The following LNPEP variants were observed in gnomAD, a reference collection of about 807,000 sequenced individuals.
The protein encoded by LNPEP is leucyl and cystinyl aminopeptidase.
Under a neutral mutation model 120.6 loss-of-function variants are expected in LNPEP, and 64 were observed. That is an observed-to-expected ratio of 0.53 (90% CI 0.43 to 0.65). LNPEP has a LOEUF of 0.65. Ranked by LOEUF, LNPEP falls within the 30% of genes least tolerant of loss-of-function variation. The probability of loss-of-function intolerance (pLI) is 0.00; values close to 1 mark genes in which losing one functional copy is unlikely to be tolerated. For synonymous variants in LNPEP, 435 were observed against 425.4 expected (o/e 1.02, Z -0.28); for missense variants, 1,057 against 1,200.0 (o/e 0.88, Z 1.76).
At position 96,985,239 on chromosome 5, in the gene LNPEP, T is replaced by C. The variant is rs552849762; in HGVS notation, c.999+21T>C. 3.8e-6 allele frequency: 6 copies of C among 1,580,042 alleles called. No individual in the cohort carries two copies. The African/African-American group carries it at 6.8e-5, about 18-fold the overall frequency. ...CTAAGGTACTGTTCTGTTCCTTGAATGTAAAAATCTTTGAATGGGTCTCTT... is the reference window on the plus strand; with the variant it reads ...CTAAGGTACTGTTCTGTTCCTTGAACGTAAAAATCTTTGAATGGGTCTCTT... On this transcript the variant is annotated intron_variant, in intron 3 of 17. Transcript: ENST00000231368.
In LNPEP at chr5:96,973,874, T is replaced by C. The variant is rs76985535; in HGVS notation, c.20-5264T>C. 3.8e-3 allele frequency among the ~76,000 whole-genome samples: 584 copies of C among 152,234 alleles called. 5 individuals are homozygous for C. The highest frequency in any genetic ancestry group is 0.014 in the African/African-American group (567 of 41,546). On this transcript the variant is annotated intron_variant, in intron 1 of 17. Transcript: ENST00000231368. ...AATGTTGTTTGTCATGGCTTCGCTT[T>C]TTGTCCTGTCTTCTAAATTGTATCC...
In LNPEP at chr5:97,030,040, G is replaced by T. The variant is rs1451555498; in HGVS notation, c.*1507G>T. On this transcript the variant is annotated 3_prime_UTR_variant, in exon 18 of 18. Transcript: ENST00000231368. ...TTAAAACACTCCACAGAGTCAGACAGTGGGAAAGGTCACCCTTTTTTTATT... is the reference window on the plus strand; with the variant it reads ...TTAAAACACTCCACAGAGTCAGACATTGGGAAAGGTCACCCTTTTTTTATT... 1 of 152,096 alleles carries T rather than the reference G, an allele frequency of 6.6e-6. No individual in the cohort carries two copies. Among genetic ancestry groups the T allele is most frequent in the Non-Finnish European group, 1.5e-5 (1 of 67,988 alleles). The allele number at this position is 152,096 out of a possible 1,614,324, so 9.4% of individuals were successfully genotyped here.
chr5:97,025,461 T>C (rs1054431245), intron 15 of LNPEP, among the ~76,000 whole-genome samples: 6 of 152,196 alleles, frequency 3.9e-5, no homozygotes, highest in African/African-American at 1.4e-4. Context: ...CTTAAGCAAA[T>C]AGAGAAAAAT....
intron 1 of LNPEP, chr5:96,937,651 A>G (rs914116844): frequency 6.6e-6 from 1 of 152,106 alleles, no homozygotes; most frequent in African/African-American, 2.4e-5. Flanking sequence ...GTGAAATTTC[A>G]TCTAAATTAA....
chr5:96,946,142 T>A (rs1194772084), intron 1 of LNPEP, among the ~76,000 whole-genome samples: 1 of 152,202 alleles, frequency 6.6e-6, no homozygotes, highest in Non-Finnish European at 1.5e-5. Flanking sequence ...TATTAGTAGT[T>A]TCTCTGTTTT....
rs114408522 is a variant in LNPEP, at chr5:96,981,382, G to A, written c.860+1404G>A. Among the ~76,000 whole-genome samples the A allele has an allele frequency of 4.0e-3, 610 of 152,142 alleles. 6 individuals are homozygous for A. The highest frequency in any genetic ancestry group is 0.014 in the African/African-American group (590 of 41,506). On this transcript the variant is annotated intron_variant, in intron 2 of 17. Coordinates refer to ENST00000231368, the MANE Select transcript of LNPEP (RefSeq NM_005575.3). The stretch of plus-strand genomic sequence containing the variant: ...TTTGTTTTGAATAGCAGAGTTTCAC[G>A]TACTAATTTATTTTAATAGGTTGTA...
At chr5:96,946,844 A>G (rs1460770853) in intron 1 of LNPEP, among the ~76,000 whole-genome samples, 1 of 152,212 alleles carries the variant, frequency 6.6e-6, no homozygotes, top group African/African-American at 2.4e-5. Context: ...AGATCTGGCA[A>G]ATAAATGTAT....
chr5:97,025,731 C>A (rs1791321998), intron 15 of LNPEP, among the ~76,000 whole-genome samples: 1 of 152,110 alleles, frequency 6.6e-6, no homozygotes, highest in Non-Finnish European at 1.5e-5. Context: ...AGGTTTATAC[C>A]ATACCCAGTG....
intron 1 of LNPEP, among the ~76,000 whole-genome samples, chr5:96,939,511 G>T (rs1789002807): frequency 6.6e-6 from 1 of 152,048 alleles, no homozygotes; most frequent in Admixed American, 6.5e-5. Context: ...CCAGCTGAAA[G>T]TATATATACT....
chr5:96,957,681 G>T (rs1789502774), intron 1 of LNPEP, among the ~76,000 whole-genome samples: 1 of 152,136 alleles, frequency 6.6e-6, no homozygotes. Flanking sequence ...AAAACAGAAA[G>T]AAACGGATTC....
At chr5:97,001,978 A>G (rs560365483) in intron 8 of LNPEP, among the ~76,000 whole-genome samples, 15 of 152,198 alleles carry the variant, frequency 9.9e-5, no homozygotes, top group South Asian at 6.2e-4. Flanking sequence ...CGTCTCTACT[A>G]AAAATACAAA....
At position 96,998,255 on chromosome 5, in the gene LNPEP, G is replaced by T; in HGVS notation, c.1653+110G>T. ...ATTTTAAAGATTAAATGTTTTTCAG[G>T]TATTAATGGTAAACTATAAAATGTT... On this transcript the variant is annotated intron_variant, in intron 8 of 17. Coordinates refer to ENST00000231368, the MANE Select transcript of LNPEP (RefSeq NM_005575.3). 1.2e-5 allele frequency: 10 copies of T among 847,698 alleles called. No homozygotes were observed. The South Asian group carries it at 1.5e-4, about 13-fold the overall frequency. The allele number at this position is 847,698 out of a possible 1,614,324, so 52.5% of individuals were successfully genotyped here. A position where few individuals can be genotyped will look rare whatever the true frequency, so the allele number is the denominator to read the frequency against.
intron 1 of LNPEP, among the ~76,000 whole-genome samples, chr5:96,966,711 T>C (rs529685415): frequency 1.3e-5 from 2 of 152,170 alleles, no homozygotes; most frequent in South Asian, 2.1e-4. Context: ...GTCACAACAC[T>C]TTTCAAACTA....
chr5:96,967,325 G>A (rs779767939), intron 1 of LNPEP, among the ~76,000 whole-genome samples: 26 of 150,316 alleles, frequency 1.7e-4, no homozygotes, highest in Non-Finnish European at 3.3e-4. Flanking sequence ...TTTTTTTTTT[G>A]GTAGAAGCTG....
intron 1 of LNPEP, among the ~76,000 whole-genome samples, chr5:96,969,035 G>C (rs1789796798): frequency 6.6e-6 from 1 of 152,000 alleles, no homozygotes; most frequent in African/African-American, 2.4e-5. Context: ...CTGCAGAATG[G>C]TTATATTTAT....
intron 4 of LNPEP, among the ~76,000 whole-genome samples, 181 bp downstream of exon 4, chr5:96,986,851 G>T (rs1582005938): frequency 6.6e-6 from 1 of 152,188 alleles, no homozygotes; most frequent in Non-Finnish European, 1.5e-5. Context: ...TAGTTTAATA[G>T]CTGAAAGTCA....
At chr5:96,950,277 G>T (rs1204899164) in intron 1 of LNPEP, among the ~76,000 whole-genome samples, 3 of 152,188 alleles carry the variant, frequency 2.0e-5, no homozygotes, top group African/African-American at 7.2e-5. Flanking sequence ...CTAGAGAGCT[G>T]CTGTGCGTTT....
At chr5:97,027,339 C>T (rs946602844) in intron 16 of LNPEP, among the ~76,000 whole-genome samples, 1 of 150,184 alleles carries the variant, frequency 6.7e-6, no homozygotes, top group African/African-American at 2.5e-5. Flanking sequence ...GGCAACAGGG[C>T]GAGACTCCGT....
Position 97,006,461 on chromosome 5 carries a change from G to A in LNPEP, c.1981G>A (p.Glu661Lys). The change falls in exon 11 of 18, where the codon GAA (glutamate) becomes AAA (lysine). Residue 661 changes from glutamate to lysine, a missense_variant. Transcript: ENST00000231368. Reference protein sequence around the residue: ...LWHIPLSYVTEGRNYSKYQSV... With the variant: ...LWHIPLSYVTKGRNYSKYQSV... ...GCATATTCCACTATCCTATGTCACT[G>A]AAGGAAGAAATTATTCAAAATATCA... The A allele has an allele frequency of 6.3e-7, 1 of 1,586,150 alleles. No homozygotes were observed. Among genetic ancestry groups the A allele is most frequent in the South Asian group, 1.1e-5 (1 of 90,412 alleles).
Sources: allele counts gnomAD v4.1 joint callset (sites outside exome capture counted in the v4.1 genomes callset), GRCh38; gene constraint gnomAD v4.1.1; transcripts MANE v1.5; gene names NCBI Gene and HGNC (gene_info 2026-07-23, HGNC 2026-07-21).